The following PTPRD variants were observed in gnomAD, a reference collection of about 807,000 sequenced individuals.
PTPRD encodes the protein receptor-type tyrosine-protein phosphatase delta.
PTPRD carries 34 observed loss-of-function variants against 214.5 expected under a neutral mutation model. The observed-to-expected ratio is 0.16, with a 90% CI of 0.12 to 0.21. The LOEUF (loss-of-function observed/expected upper bound fraction) is 0.21. Ranked by LOEUF, PTPRD falls within the 10% of genes least tolerant of loss-of-function variation. PTPRD has a pLI of 1.00. For missense variants in PTPRD, 2,545 were observed against 2,398.7 expected (o/e 1.06, Z -1.27); for synonymous variants, 1,128 against 845.7 (o/e 1.33, Z -5.79).
At chr9:8,835,907 C>T (rs192118068) in intron 11 of PTPRD, among the ~76,000 whole-genome samples, 2 of 152,246 alleles carry the variant, frequency 1.3e-5, no homozygotes, top group East Asian at 1.9e-4. Context: ...TTTAACAACA[C>T]TCTCCCATTA....
intron 8 of PTPRD, among the ~76,000 whole-genome samples, chr9:9,444,488 T>A (rs564108372): frequency 1.9e-4 from 29 of 152,232 alleles, no homozygotes; most frequent in Non-Finnish European, 3.2e-4. Flanking sequence ...AGTTTGCAGA[T>A]GCTCCATAAA....
At chr9:9,658,788 G>C (rs1298721841) in intron 7 of PTPRD, among the ~76,000 whole-genome samples, 1 of 152,052 alleles carries the variant, frequency 6.6e-6, no homozygotes, top group Non-Finnish European at 1.5e-5. Flanking sequence ...TCCGTGTTAG[G>C]TACTGTGCTT....
intron 8 of PTPRD, among the ~76,000 whole-genome samples, chr9:9,416,270 G>A (rs750869398): frequency 2.6e-5 from 4 of 152,070 alleles, no homozygotes; most frequent in South Asian, 2.1e-4. Flanking sequence ...AAATCTGATC[G>A]TCTCATGGTT....
intron 2 of PTPRD, among the ~76,000 whole-genome samples, chr9:10,568,368 G>T (rs2066343045): frequency 6.6e-6 from 1 of 151,942 alleles, no homozygotes; most frequent in Non-Finnish European, 1.5e-5. Flanking sequence ...GTCTATCATT[G>T]TTGGACATTT....
chr9:9,267,875 C>A (rs768654119), intron 9 of PTPRD, among the ~76,000 whole-genome samples: 1 of 150,850 alleles, frequency 6.6e-6, no homozygotes, highest in Non-Finnish European at 1.5e-5. Flanking sequence ...AAGGAATATA[C>A]TTCAACATTA....
intron 35 of PTPRD, among the ~76,000 whole-genome samples, chr9:8,429,695 T>C (rs2094918705): frequency 6.6e-6 from 1 of 152,092 alleles, no homozygotes; most frequent in African/African-American, 2.4e-5. Context: ...ACTCAGCACA[T>C]GTGGGTGCTG....
intron 10 of PTPRD, among the ~76,000 whole-genome samples, chr9:9,034,268 T>C (rs2154378887): frequency 6.6e-6 from 1 of 152,236 alleles, no homozygotes. Context: ...ATACAGCGTA[T>C]CTGTCTCCAG....
chr9:10,449,707 CCCCTCTGCCCG>C (rs2098826490), intron 2 of PTPRD, among the ~76,000 whole-genome samples: 1 of 145,610 alleles, frequency 6.9e-6, no homozygotes. Context: ...AAGTGAGGAG[CCCCTCTGCCCG>C]GCAGCCACCC....
intron 9 of PTPRD, among the ~76,000 whole-genome samples, chr9:9,357,932 T>C (rs1203506831): frequency 6.6e-6 from 1 of 151,332 alleles, no homozygotes; most frequent in South Asian, 2.1e-4. Context: ...ATTTCTATTC[T>C]GTAATGCTTT....
intron 33 of PTPRD, among the ~76,000 whole-genome samples, chr9:8,453,062 T>C (rs1054279005): frequency 6.6e-6 from 1 of 152,240 alleles, no homozygotes; most frequent in Non-Finnish European, 1.5e-5. Flanking sequence ...TCTTTTCAGT[T>C]TATTTGTGTA....
intron 9 of PTPRD, among the ~76,000 whole-genome samples, chr9:9,361,231 A>C (rs1026021946): frequency 6.6e-6 from 1 of 151,178 alleles, no homozygotes; most frequent in African/African-American, 2.4e-5. Context: ...TAATCCTTAC[A>C]GTTGAAAATG....
chr9:8,557,426 T>C (rs187570621), intron 14 of PTPRD, among the ~76,000 whole-genome samples: 4 of 121,576 alleles, frequency 3.3e-5, no homozygotes, highest in African/African-American at 2.2e-4. Flanking sequence ...TATTTTTCAT[T>C]TGTAAATACA....
At chr9:10,248,407 G>A (rs184611243) in intron 3 of PTPRD, among the ~76,000 whole-genome samples, 2 of 151,198 alleles carry the variant, frequency 1.3e-5, no homozygotes, top group Non-Finnish European at 2.9e-5. Flanking sequence ...AAGAAACTTA[G>A]GGAATGGGCG....
intron 2 of PTPRD, among the ~76,000 whole-genome samples, chr9:10,525,752 G>GTGTGTGTGTGTGTGTC (rs2054074894): frequency 1.3e-5 from 2 of 151,744 alleles, no homozygotes; most frequent in African/African-American, 4.8e-5. Context: ...GTGTGTGTGT[G>GTGTGTGTGTGTGTGTC]TGTGTATTTT....
intron 9 of PTPRD, among the ~76,000 whole-genome samples, chr9:9,262,294 A>T (rs1169650763): frequency 2.0e-5 from 3 of 151,010 alleles, no homozygotes; most frequent in Non-Finnish European, 3.0e-5. Context: ...GGGGCAATGA[A>T]TTTCTTTAAA....
At chr9:9,769,622 G>T (rs540549962) in intron 5 of PTPRD, among the ~76,000 whole-genome samples, 1 of 150,864 alleles carries the variant, frequency 6.6e-6, no homozygotes, top group Non-Finnish European at 1.5e-5. Context: ...CACCGTGCCC[G>T]GCCACCAGAA....
intron 14 of PTPRD, among the ~76,000 whole-genome samples, chr9:8,563,490 T>G (rs572251021): frequency 1.4e-5 from 2 of 146,862 alleles, no homozygotes; most frequent in African/African-American, 5.1e-5. Flanking sequence ...CAGGCTGGAG[T>G]GCAGTGGCGC....
At chr9:8,599,340 T>C (rs1386937547) in intron 14 of PTPRD, among the ~76,000 whole-genome samples, 1 of 152,148 alleles carries the variant, frequency 6.6e-6, no homozygotes, top group Admixed American at 6.5e-5. Context: ...AAACTGTCTA[T>C]GGCCATATCT....
At chr9:10,007,541 C>T (rs1187753109) in intron 4 of PTPRD, among the ~76,000 whole-genome samples, 1 of 151,922 alleles carries the variant, frequency 6.6e-6, no homozygotes, top group Admixed American at 6.6e-5. Flanking sequence ...AATTGCAAAG[C>T]ATTAAAGAGC....
Sources: gnomAD v4.1 joint callset for allele counts (sites outside exome capture counted in the v4.1 genomes callset) on GRCh38, gnomAD v4.1.1 for gene constraint, MANE v1.5 for transcripts, NCBI Gene and HGNC (gene_info 2026-07-23, HGNC 2026-07-21) for gene names.